The following FUT8 variants were observed in gnomAD, a reference collection of about 807,000 sequenced individuals.
FUT8 encodes the protein alpha-(1,6)-fucosyltransferase.
Under a neutral mutation model 71.3 loss-of-function variants are expected in FUT8, and 29 were observed. The observed-to-expected ratio is 0.41, with a 90% CI of 0.30 to 0.55. The LOEUF (loss-of-function observed/expected upper bound fraction) is 0.55. Among genes scored for constraint, FUT8 ranks in the 20% least tolerant of loss-of-function variants. The pLI, the probability that FUT8 is intolerant of heterozygous loss-of-function variation, is 0.34. For synonymous variants in FUT8, 254 were observed against 239.3 expected (o/e 1.06, Z -0.57); for missense variants, 544 against 702.1 (o/e 0.77, Z 2.55).
chr14:65,721,028 T>TAGTAG (rs1895388076), intron 7 of FUT8, among the ~76,000 whole-genome samples: 1 of 152,026 alleles, frequency 6.6e-6, no homozygotes, highest in Non-Finnish European at 1.5e-5. Flanking sequence ...GTGGAAGGGG[T>TAGTAG]AGTAGACAAT....
chr14:65,378,337 A>G, the FUT8 span, among the ~76,000 whole-genome samples: 13 of 152,172 alleles, frequency 8.5e-5, no homozygotes, highest in African/African-American at 3.1e-4. Flanking sequence ...GCCAGTGGGT[A>G]AAAAGGTTAA....
rs1001959626 is a variant in FUT8, at chr14:65,604,951, T to C, written c.204-11027T>C. Among the ~76,000 whole-genome samples, 30 of 151,678 alleles carry C rather than the reference T, an allele frequency of 2.0e-4. 2 individuals carry two copies. Among genetic ancestry groups the C allele is most frequent in the Non-Finnish European group, 2.6e-4 (18 of 67,944 alleles). ...CATGAAAGCATGTTTTTATATCTTT[T>C]TAAAATTTGTAAGAATGTATCATCC... is the stretch of plus-strand genomic sequence containing the variant. On this transcript the variant is annotated intron_variant, in intron 3 of 10. Transcript: ENST00000673929.
intron 2 of FUT8, among the ~76,000 whole-genome samples, chr14:65,532,115 A>G (rs1266991763): frequency 6.6e-6 from 1 of 151,998 alleles, no homozygotes; most frequent in Non-Finnish European, 1.5e-5. Context: ...AGAATGATTT[A>G]TGTTCTTTTG....
At chr14:65,439,002 A>G (rs2065602347) in intron 1 of FUT8, among the ~76,000 whole-genome samples, 1 of 152,246 alleles carries the variant, frequency 6.6e-6, no homozygotes. Context: ...CGATGTGTCC[A>G]TTAAGTCTCC....
At chr14:65,566,849 G>A (rs1265701784) in intron 3 of FUT8, among the ~76,000 whole-genome samples, 4 of 151,896 alleles carry the variant, frequency 2.6e-5, no homozygotes, top group East Asian at 3.9e-4. Context: ...CTTCATGTTC[G>A]TTTTGTTTCA....
intron 3 of FUT8, among the ~76,000 whole-genome samples, chr14:65,568,239 A>G (rs1886298529): frequency 6.6e-6 from 1 of 151,594 alleles, no homozygotes. Flanking sequence ...TTTCTTCTCC[A>G]TACTTGTATA....
rs1047107947 is a variant in FUT8 at position 65,637,784 on chromosome 14, C to G, written c.597+8178C>G. Among the ~76,000 whole-genome samples the G allele has an allele frequency of 7.9e-5, 12 of 152,030 alleles. No individual in the cohort carries two copies. In the East Asian group the frequency reaches 2.3e-3, roughly 29 times the overall value. ...TCAGCAAACAGAGGGGCCCTGAAAG[C>G]AGGTTGCCAGAAACGGGACTTACTT... is the stretch of plus-strand genomic sequence containing the variant. On this transcript the variant is annotated intron_variant, in intron 6 of 10. Coordinates refer to ENST00000673929, the MANE Select transcript of FUT8 (RefSeq NM_001371533.1).
At chr14:65,419,258 C>G (rs1362327041) in intron 1 of FUT8, among the ~76,000 whole-genome samples, 2 of 152,006 alleles carry the variant, frequency 1.3e-5, no homozygotes, top group Non-Finnish European at 2.9e-5. Context: ...GAAACTCTGT[C>G]TCAAAAAACA....
At chr14:65,619,926 C>T (rs1889511464) in intron 5 of FUT8, among the ~76,000 whole-genome samples, 2 of 152,210 alleles carry the variant, frequency 1.3e-5, no homozygotes, top group South Asian at 2.1e-4. Flanking sequence ...TACCATTTAT[C>T]TTGTATTGTA....
chr14:65,416,583 G>A (rs138016719), intron 1 of FUT8, among the ~76,000 whole-genome samples: 1 of 151,976 alleles, frequency 6.6e-6, no homozygotes, highest in Non-Finnish European at 1.5e-5. Context: ...TTTCACTACC[G>A]TATAGTATGG....
At chr14:65,362,694 G>T in the FUT8 span, among the ~76,000 whole-genome samples, 1 of 152,150 alleles carries the variant, frequency 6.6e-6, no homozygotes, top group African/African-American at 2.4e-5. Context: ...CGGGCGTGGT[G>T]GCTCACACCT....
At chr14:65,610,093 T>G (rs1888804379) in intron 3 of FUT8, among the ~76,000 whole-genome samples, 1 of 151,542 alleles carries the variant, frequency 6.6e-6, no homozygotes. Context: ...TTCTGCAACC[T>G]TGTTAAACAA....
chr14:65,738,205 C>G (rs1254481474), intron 10 of FUT8, among the ~76,000 whole-genome samples: 1 of 152,112 alleles, frequency 6.6e-6, no homozygotes, highest in Non-Finnish European at 1.5e-5. Flanking sequence ...GGGTCTTATT[C>G]TCTTATTGTA....
chr14:65,528,185 G>A (rs990066347), intron 2 of FUT8, among the ~76,000 whole-genome samples: 5 of 152,178 alleles, frequency 3.3e-5, no homozygotes, highest in African/African-American at 9.7e-5. Context: ...CTTGAGCTGC[G>A]GTGGACTCCA....
intron 6 of FUT8, among the ~76,000 whole-genome samples, chr14:65,650,892 TGCAGTCCCTTCCCCAGGTGCTGTA>T (rs1891377028): frequency 6.6e-6 from 1 of 152,168 alleles, no homozygotes; most frequent in African/African-American, 2.4e-5. Flanking sequence ...TCTATCCAGT[TGCAGTCCCTTCCCCAGGTGCTGTA>T]GCTATGGAGA....
At chr14:65,617,750 C>T (rs978654652) in intron 5 of FUT8, among the ~76,000 whole-genome samples, 1 of 151,892 alleles carries the variant, frequency 6.6e-6, no homozygotes, top group Non-Finnish European at 1.5e-5. Flanking sequence ...TTGAGACCAG[C>T]CTGGCCAACA....
At chr14:65,454,504 A>G (rs914601457) in intron 1 of FUT8, among the ~76,000 whole-genome samples, 1 of 152,298 alleles carries the variant, frequency 6.6e-6, no homozygotes, top group African/African-American at 2.4e-5. Context: ...CTTAAAAAAA[A>G]AGAAAATAGT....
chr14:65,642,329 G>T (rs764394317), intron 6 of FUT8, among the ~76,000 whole-genome samples: 2 of 152,102 alleles, frequency 1.3e-5, no homozygotes, highest in Non-Finnish European at 2.9e-5. Context: ...ACTGCTGGGC[G>T]CAGTGGCTCA....
At position 65,457,567 on chromosome 14, in the gene FUT8, C is replaced by T. The variant is rs117982419; in HGVS notation, c.-228+1849C>T. Among the ~76,000 whole-genome samples the T allele has an allele frequency of 6.0e-3, 910 of 152,202 alleles. 11 individuals carry two copies. Among genetic ancestry groups the T allele is most frequent in the East Asian group, 0.035 (180 of 5,184 alleles). ...AGCTGGGAGTATCGGCAAGCTACTG[C>T]CTTAAAATCTCAGCTCCCTGAGTGC... On this transcript the variant is annotated intron_variant, in intron 2 of 10. Coordinates refer to ENST00000673929, the MANE Select transcript of FUT8 (RefSeq NM_001371533.1).
Sources: gnomAD v4.1 joint callset for allele counts (sites outside exome capture counted in the v4.1 genomes callset) on GRCh38, gnomAD v4.1.1 for gene constraint, MANE v1.5 for transcripts, NCBI Gene and HGNC (gene_info 2026-07-23, HGNC 2026-07-21) for gene names.